Variants in KCNIP4 observed in about 807,000 individuals in gnomAD.
KCNIP4 encodes the protein potassium voltage-gated channel interacting protein 4.
A neutral mutation model predicts 34.0 loss-of-function variants in KCNIP4; 12 were observed. The ratio of observed to expected loss-of-function variants is 0.35; its 90% CI spans 0.23 to 0.57. The LOEUF is 0.57. Ranked by LOEUF, KCNIP4 falls within the 20% of genes least tolerant of loss-of-function variation. The pLI is 0.83. For missense variants in KCNIP4, 238 were observed against 311.7 expected, an observed-to-expected ratio of 0.76 and a Z score of 1.78; for synonymous variants, 124 against 102.2, an observed-to-expected ratio of 1.21 and a Z score of -1.29.
chr4:20,755,862 C>T (rs1255470514), intron 4 of KCNIP4, among the ~76,000 whole-genome samples: 1 of 151,856 alleles, frequency 6.6e-6, no homozygotes, highest in Admixed American at 6.6e-5. Context: ...GGTGGGATGG[C>T]AAGGGGGCCA....
intron 1 of KCNIP4, among the ~76,000 whole-genome samples, chr4:21,578,110 T>G (rs995452698): frequency 8.6e-5 from 13 of 151,736 alleles, no homozygotes; most frequent in Non-Finnish European, 1.8e-4. Flanking sequence ...ACGAGGTGGG[T>G]GGATCACGAA....
intron 1 of KCNIP4, among the ~76,000 whole-genome samples, chr4:21,886,029 A>T (rs1280765822): frequency 6.6e-6 from 1 of 152,002 alleles, no homozygotes; most frequent in Non-Finnish European, 1.5e-5. Flanking sequence ...AGGCTTGTGG[A>T]TTATTTTTTC....
At chr4:21,866,562 C>A (rs748004133) in intron 1 of KCNIP4, among the ~76,000 whole-genome samples, 3 of 152,050 alleles carry the variant, frequency 2.0e-5, no homozygotes, top group Admixed American at 6.6e-5. Context: ...GGAATGGTCA[C>A]GTGCATAATG....
chr4:20,836,434 A>C (rs1303425042), intron 3 of KCNIP4, among the ~76,000 whole-genome samples: 1 of 152,230 alleles, frequency 6.6e-6, no homozygotes, highest in African/African-American at 2.4e-5. Context: ...TCTCCAGAGA[A>C]GAGAGATGAT....
intron 1 of KCNIP4, among the ~76,000 whole-genome samples, chr4:21,728,241 C>A (rs1715337825): frequency 1.3e-5 from 2 of 152,166 alleles, no homozygotes; most frequent in South Asian, 4.1e-4. Context: ...TCCAAATCTC[C>A]TTTCCTCAAC....
chr4:20,757,513 C>G (rs1444327878), intron 4 of KCNIP4, among the ~76,000 whole-genome samples: 1 of 152,116 alleles, frequency 6.6e-6, no homozygotes, highest in Non-Finnish European at 1.5e-5. Context: ...GGACATTTCA[C>G]CCTCCATTGT....
chr4:20,757,103 C>T (rs1281129632), intron 4 of KCNIP4, among the ~76,000 whole-genome samples: 1 of 152,090 alleles, frequency 6.6e-6, no homozygotes, highest in Non-Finnish European at 1.5e-5. Flanking sequence ...CGCCCTATTC[C>T]TCCTGTAAAG....
rs187843194 is a variant in KCNIP4 at position 21,556,727 on chromosome 4, C to T, written c.61+391844G>A. 1.9e-4 allele frequency among the ~76,000 whole-genome samples: 29 copies of T among 151,734 alleles called. 1 individual carries two copies. Among genetic ancestry groups the T allele is most frequent in the African/African-American group, 6.8e-4 (28 of 41,302 alleles). On this transcript the variant is annotated intron_variant, in intron 1 of 8. Transcript: ENST00000382152. ...CCTGAGGTCAGGAGTTCCAGACCTG[C>T]CTGGCCAACATGGTGAAACCCCATC...
chr4:20,979,291 C>A (rs1422337660), intron 1 of KCNIP4, among the ~76,000 whole-genome samples: 3 of 152,108 alleles, frequency 2.0e-5, no homozygotes, highest in Non-Finnish European at 4.4e-5. Flanking sequence ...ACGGACAGTT[C>A]TCCCCAAGTA....
At chr4:20,736,580 C>A (rs987682754) in intron 5 of KCNIP4, among the ~76,000 whole-genome samples, 2 of 151,902 alleles carry the variant, frequency 1.3e-5, no homozygotes, top group African/African-American at 2.4e-5. Flanking sequence ...TATATGTTTA[C>A]TTTTTTCTAA....
At chr4:21,779,871 C>T (rs1181915044) in intron 1 of KCNIP4, among the ~76,000 whole-genome samples, 2 of 150,634 alleles carry the variant, frequency 1.3e-5, no homozygotes. Flanking sequence ...TTCAAGGCTG[C>T]AGTGAGCTAT....
At chr4:21,237,877 T>C (rs1468241115) in intron 1 of KCNIP4, among the ~76,000 whole-genome samples, 1 of 152,208 alleles carries the variant, frequency 6.6e-6, no homozygotes, top group African/African-American at 2.4e-5. Context: ...TAATTCATTT[T>C]ATGAGGCCAG....
intron 1 of KCNIP4, among the ~76,000 whole-genome samples, chr4:21,257,684 AG>A (rs1184180225): frequency 6.6e-6 from 1 of 150,982 alleles, no homozygotes; most frequent in Non-Finnish European, 1.5e-5. Context: ...CAGGAGGCGG[AG>A]GTTGCAGTGA....
chr4:21,826,317 C>T (rs561028636), intron 1 of KCNIP4, among the ~76,000 whole-genome samples: 1 of 152,202 alleles, frequency 6.6e-6, no homozygotes, highest in African/African-American at 2.4e-5. Context: ...TGAAGCAATA[C>T]AACAATTTCT....
At chr4:21,062,133 A>G (rs1205779670) in intron 1 of KCNIP4, among the ~76,000 whole-genome samples, 1 of 152,138 alleles carries the variant, frequency 6.6e-6, no homozygotes, top group African/African-American at 2.4e-5. Flanking sequence ...CATTCCTTCA[A>G]CCTTTACTTA....
In KCNIP4 at chr4:20,729,107, GTTTC is replaced by G. The variant is rs1193451162; in HGVS notation, c.*971_*974del. On this transcript the variant is annotated 3_prime_UTR_variant, in exon 9 of 9. Coordinates refer to ENST00000382152, the MANE Select transcript of KCNIP4 (RefSeq NM_025221.6). ...CTTAGTAGACAGTGGGGTAGTCAAGGTTTCTTTCTTTGTCCCTGAATGGCTTGTA... is the reference window on the plus strand; with the variant it reads ...CTTAGTAGACAGTGGGGTAGTCAAGGTTTCTTTGTCCCTGAATGGCTTGTA... 5.3e-5 allele frequency: 8 copies of G among 151,950 alleles called. No individual in the cohort carries two copies. The highest frequency in any genetic ancestry group is 7.4e-5 in the Non-Finnish European group (5 of 67,984). The allele number at this position is 151,950 out of a possible 1,614,324, so 9.4% of individuals were successfully genotyped here. A position where few individuals can be genotyped will look rare whatever the true frequency, so the allele number is the denominator to read the frequency against.
At chr4:21,695,040 G>T (rs1296873226) in intron 1 of KCNIP4, among the ~76,000 whole-genome samples, 1 of 151,768 alleles carries the variant, frequency 6.6e-6, no homozygotes, top group African/African-American at 2.4e-5. Flanking sequence ...CATGCTGATT[G>T]CTCAGGATAC....
chr4:21,710,628 G>A (rs891775047), intron 1 of KCNIP4, among the ~76,000 whole-genome samples: 11 of 152,166 alleles, frequency 7.2e-5, no homozygotes, highest in African/African-American at 2.4e-4. Flanking sequence ...TAGCCAACAT[G>A]TGCCTGGAAG....
chr4:21,219,485 G>A (rs1757835969), intron 1 of KCNIP4, among the ~76,000 whole-genome samples: 2 of 152,114 alleles, frequency 1.3e-5, no homozygotes, highest in South Asian at 2.1e-4. Flanking sequence ...GAATGATCCA[G>A]GTTTCATGTC....
Sources: allele counts gnomAD v4.1 joint callset (sites outside exome capture counted in the v4.1 genomes callset), GRCh38; gene constraint gnomAD v4.1.1; transcripts MANE v1.5; gene names NCBI Gene and HGNC (gene_info 2026-07-23, HGNC 2026-07-21).